CDK17: variants seen among roughly 807,000 people sequenced by gnomAD.
CDK17 encodes the protein cyclin dependent kinase 17, also known as cyclin-dependent kinase 17.
In CDK17, 24 loss-of-function variants were observed where a neutral mutation model predicts 77.6. The observed-to-expected ratio is 0.31, with a 90% CI of 0.22 to 0.44. The LOEUF is 0.44. Ranked by LOEUF, CDK17 falls within the 20% of genes least tolerant of loss-of-function variation. The pLI is 1.00. For synonymous variants in CDK17, 203 were observed against 210.4 expected (o/e 0.96, Z 0.30); for missense variants, 429 against 622.5 (o/e 0.69, Z 3.31).
chr12:96,289,677 C>T (rs142123847), intron 10 of CDK17, among the ~76,000 whole-genome samples: 59 of 152,290 alleles, frequency 3.9e-4, no homozygotes, highest in Non-Finnish European at 6.8e-4. Flanking sequence ...TTACTTCTAA[C>T]GGCTATGAGC....
intron 1 of CDK17, among the ~76,000 whole-genome samples, chr12:96,383,757 C>G (rs926180202): frequency 2.0e-5 from 3 of 152,022 alleles, no homozygotes; most frequent in African/African-American, 7.2e-5. Flanking sequence ...TACTTTTTGT[C>G]CTATACAAAA....
At chr12:96,383,052 C>T (rs1335024610) in intron 1 of CDK17, among the ~76,000 whole-genome samples, 2 of 152,098 alleles carry the variant, frequency 1.3e-5, no homozygotes, top group Non-Finnish European at 2.9e-5. Context: ...GAACTGTAAA[C>T]GACTTCAGTA....
intron 6 of CDK17, among the ~76,000 whole-genome samples, chr12:96,300,021 A>C (rs1029090590): frequency 1.3e-5 from 2 of 152,208 alleles, no homozygotes; most frequent in Non-Finnish European, 2.9e-5. Context: ...CAGTAGACTA[A>C]GTGACAAATG....
chr12:96,286,712 G>A lies in CDK17; in HGVS notation c.1168C>T (p.Pro390Ser). ...FEMASGRPLF[P>S]GSTVEDELHL... ...AGTTCATCTTCCACGGTTGATCCTG[G>A]AAATAAAGGTCTTCCAGAAGCCATT... The change falls in exon 12 of 17, where the codon CCA becomes TCA. Residue 390 changes from proline (P) to serine (S), a missense_variant. By Grantham distance (74) the Pro-to-Ser change is moderately conservative (BLOSUM62 -1). Around this residue, in one of 4 missense-constraint regions of CDK17, gnomAD observed 51 missense variants for 96.5 expected, o/e 0.53. Transcript: ENST00000261211. 6.2e-7 allele frequency: 1 copy of A among 1,613,406 alleles called. No individual in the cohort carries two copies. The highest frequency in any genetic ancestry group is 1.1e-5 in the South Asian group (1 of 91,034).
At chr12:96,364,898 T>C (rs1398038685) in intron 1 of CDK17, among the ~76,000 whole-genome samples, 1 of 152,082 alleles carries the variant, frequency 6.6e-6, no homozygotes, top group Non-Finnish European at 1.5e-5. Flanking sequence ...CTCACAAATA[T>C]GAGACAGGAT....
chr12:96,312,064 C>T (rs1330667589), intron 4 of CDK17, among the ~76,000 whole-genome samples: 1 of 152,086 alleles, frequency 6.6e-6, no homozygotes, highest in African/African-American at 2.4e-5. Flanking sequence ...TGGCTCAAGC[C>T]TGTAATCCTA....
intron 5 of CDK17, among the ~76,000 whole-genome samples, chr12:96,304,169 C>A (rs2137092552): frequency 6.6e-6 from 1 of 152,192 alleles, no homozygotes; most frequent in South Asian, 2.1e-4. Flanking sequence ...GAAAATGAAA[C>A]CACAGATAAA....
chr12:96,318,453 T>C (rs1426022192), intron 3 of CDK17, among the ~76,000 whole-genome samples: 2 of 122,752 alleles, frequency 1.6e-5, no homozygotes, highest in Middle Eastern at 3.9e-3. Context: ...GCGGACCTAA[T>C]AGACATCTAC....
intron 10 of CDK17, among the ~76,000 whole-genome samples, chr12:96,291,555 T>C (rs1952324835): frequency 6.6e-6 from 1 of 151,862 alleles, no homozygotes; most frequent in African/African-American, 2.4e-5. Context: ...CCTTCCAAAG[T>C]GCTGGGATTA....
At chr12:96,295,538 AAAAAAC>A (rs971109167) in intron 9 of CDK17, 5 of 152,578 alleles carry the variant, frequency 3.3e-5, no homozygotes, top group African/African-American at 1.2e-4. Flanking sequence ...TCTCCTTGAA[AAAAAAC>A]AAAAACAAAA....
chr12:96,283,448 T>C (rs1235177125), intron 14 of CDK17, among the ~76,000 whole-genome samples, 155 bp downstream of exon 14: 1 of 18,390 alleles, frequency 5.4e-5, no homozygotes, highest in Non-Finnish European at 8.7e-5. Flanking sequence ...AGAAACCATG[T>C]TTTTTTTTTT....
chr12:96,346,350 G>A (rs1953210855), intron 1 of CDK17, among the ~76,000 whole-genome samples: 1 of 151,984 alleles, frequency 6.6e-6, no homozygotes, highest in African/African-American at 2.4e-5. Context: ...TACTCGGGAG[G>A]CCGAGGCAGG....
At chr12:96,297,758 C>A in intron 7 of CDK17, 37 bp from the exon 8 acceptor site, 1 of 1,131,712 alleles carries the variant, frequency 8.8e-7, no homozygotes, top group Admixed American at 2.0e-5. Context: ...TAGTCTGTGG[C>A]AGTCTTTATA....
At chr12:96,346,790 C>T (rs1953217732) in intron 1 of CDK17, among the ~76,000 whole-genome samples, 1 of 151,944 alleles carries the variant, frequency 6.6e-6, no homozygotes, top group South Asian at 2.1e-4. Context: ...TGGCAGGTGC[C>T]TGTAGTCCCA....
chr12:96,321,959 TA>T (rs879439357), intron 3 of CDK17, among the ~76,000 whole-genome samples: 569 of 142,028 alleles, frequency 4.0e-3, no homozygotes, highest in African/African-American at 0.011. Flanking sequence ...TAAAGTATAA[TA>T]AAAAAAAAAA....
intron 1 of CDK17, among the ~76,000 whole-genome samples, chr12:96,376,875 T>TA (rs1332463388): frequency 3.3e-5 from 5 of 152,076 alleles, no homozygotes; most frequent in Non-Finnish European, 5.9e-5. Flanking sequence ...AACCAATTGA[T>TA]ACATGAATAA....
At chr12:96,343,190 A>G (rs1953147941) in intron 1 of CDK17, among the ~76,000 whole-genome samples, 1 of 152,244 alleles carries the variant, frequency 6.6e-6, no homozygotes, top group South Asian at 2.1e-4. Context: ...AACAACCAGT[A>G]AACTGGAAAA....
At chr12:96,305,787 T>C (rs1232003709) in intron 5 of CDK17, among the ~76,000 whole-genome samples, 1 of 152,152 alleles carries the variant, frequency 6.6e-6, no homozygotes, top group Non-Finnish European at 1.5e-5. Context: ...GGTGCAATCA[T>C]GGCTCACCAC....
chr12:96,292,647 A>C (rs1309059754), intron 10 of CDK17, among the ~76,000 whole-genome samples: 1 of 152,156 alleles, frequency 6.6e-6, no homozygotes, highest in Non-Finnish European at 1.5e-5. Context: ...TTATGAAAAA[A>C]AATTATGAAT....
Sources: gnomAD v4.1 joint callset for allele counts (sites outside exome capture counted in the v4.1 genomes callset) on GRCh38, gnomAD v4.1.1 for gene constraint, gnomAD v4.1.1 regional missense constraint, MANE v1.5 for transcripts, NCBI Gene and HGNC (gene_info 2026-07-23, HGNC 2026-07-21) for gene names.